Variants in TAFA2 observed in about 807,000 individuals in gnomAD.
TAFA2 encodes TAFA chemokine like family member 2.
Under a neutral mutation model 18.8 loss-of-function variants are expected in TAFA2, and 7 were observed. The observed-to-expected ratio is 0.37, with a 90% confidence interval of 0.21 to 0.70. The LOEUF (loss-of-function observed/expected upper bound fraction) is 0.70, where lower values mean the gene tolerates loss of function less well. Ranked by LOEUF, TAFA2 falls within the 30% of genes least tolerant of loss-of-function variation. The probability of loss-of-function intolerance (pLI) is 0.53; values close to 1 mark genes in which losing one functional copy is unlikely to be tolerated. For synonymous variants in TAFA2, 60 were observed against 54.2 expected (o/e 1.11, Z -0.47); for missense variants, 122 against 158.1 (o/e 0.77, Z 1.23).
chr12:61,792,329 C>A (rs1027731790), intron 2 of TAFA2, among the ~76,000 whole-genome samples: 14 of 151,422 alleles, frequency 9.2e-5, no homozygotes, highest in African/African-American at 3.4e-4. Context: ...TGTTTTATTG[C>A]ACAGTAGATT....
intron 1 of TAFA2, among the ~76,000 whole-genome samples, chr12:62,088,910 CTG>C (rs143609708): frequency 4.1e-4 from 61 of 150,212 alleles, no homozygotes; most frequent in Admixed American, 5.3e-4. Flanking sequence ...CTCTCTATCT[CTG>C]TGTGTGTGTG....
At chr12:61,897,429 TA>T (rs576031787) in intron 1 of TAFA2, among the ~76,000 whole-genome samples, 9 of 151,196 alleles carry the variant, frequency 6.0e-5, no homozygotes, top group South Asian at 4.2e-4. Context: ...GAGTAATTTA[TA>T]AAAAAAAAGA....
intron 1 of TAFA2, chr12:62,255,240 G>A (rs2062932698): frequency 6.6e-6 from 1 of 152,072 alleles, no homozygotes; most frequent in Non-Finnish European, 1.5e-5. Context: ...ATTATTATGA[G>A]GCTTAAGAAA....
Position 62,147,322 on chromosome 12 carries a change from GTATGTATATATATA to G in TAFA2, c.-2+43923_-2+43936del, listed in dbSNP as rs1334503843. ...TGTATGCATGTGTGTGTGTGTGTAT[GTATGTATATATATA>G]TATATATATATATATATATATATAT... On this transcript the variant is annotated intron_variant, in intron 1 of 4. Coordinates refer to ENST00000416284, the MANE Select transcript of TAFA2 (RefSeq NM_178539.5). 5.9e-3 allele frequency among the ~76,000 whole-genome samples: 291 copies of G among 49,370 alleles called. 6 individuals carry two copies. Among genetic ancestry groups the G allele is most frequent in the Middle Eastern group, 0.032 (3 of 94 alleles). 32.4% of individuals were successfully genotyped at this position (49,370 alleles called of 152,430 possible). A position where few individuals can be genotyped will look rare whatever the true frequency, so the allele number is the denominator to read the frequency against.
intron 2 of TAFA2, among the ~76,000 whole-genome samples, chr12:61,844,865 T>A (rs1282317490): frequency 6.6e-6 from 1 of 152,134 alleles, no homozygotes; most frequent in Admixed American, 6.6e-5. Flanking sequence ...TCTGGCAGTA[T>A]CACAGAACTT....
intron 1 of TAFA2, among the ~76,000 whole-genome samples, chr12:61,885,393 A>G (rs1281729358): frequency 6.6e-6 from 1 of 152,194 alleles, no homozygotes; most frequent in Non-Finnish European, 1.5e-5. Flanking sequence ...TTCCTTTTTC[A>G]TTTATCTAAC....
intron 4 of TAFA2, among the ~76,000 whole-genome samples, chr12:61,748,890 T>TCTA (rs1868864951): frequency 8.0e-6 from 1 of 124,274 alleles, no homozygotes; most frequent in East Asian, 2.2e-4. Context: ...CTTATGCTAT[T>TCTA]CTATTGTTAC....
At chr12:62,144,314 T>C (rs1212551599) in intron 1 of TAFA2, among the ~76,000 whole-genome samples, 4 of 152,160 alleles carry the variant, frequency 2.6e-5, no homozygotes, top group Admixed American at 6.5e-5. Context: ...AAGCAGAAAG[T>C]GGCCTGCCTC....
chr12:62,109,839 A>T (rs899065960), intron 1 of TAFA2, among the ~76,000 whole-genome samples: 2 of 152,140 alleles, frequency 1.3e-5, no homozygotes, highest in African/African-American at 4.8e-5. Flanking sequence ...GTATCCTGAG[A>T]CTTTGCTGAA....
At chr12:62,188,352 T>C (rs1462743449) in intron 1 of TAFA2, among the ~76,000 whole-genome samples, 3 of 152,180 alleles carry the variant, frequency 2.0e-5, no homozygotes, top group Admixed American at 1.3e-4. Flanking sequence ...AATAAAATAC[T>C]GCAGAAGTAA....
chr12:61,764,601 G>A (rs1489204050), intron 2 of TAFA2, among the ~76,000 whole-genome samples: 1 of 151,988 alleles, frequency 6.6e-6, no homozygotes, highest in Non-Finnish European at 1.5e-5. Context: ...GACTAGATTT[G>A]GAGTTAATTT....
chr12:62,125,671 A>T (rs886522152), intron 1 of TAFA2, among the ~76,000 whole-genome samples: 1 of 148,502 alleles, frequency 6.7e-6, no homozygotes, highest in East Asian at 1.9e-4. Flanking sequence ...ACTCCCGCAG[A>T]TATTTTTTTT....
In TAFA2 at chr12:61,754,929, A is replaced by G; in HGVS notation, c.202T>C (p.Ser68Pro). 1 of 1,613,008 alleles carries G rather than the reference A, an allele frequency of 6.2e-7. No individual in the cohort carries two copies. The highest frequency in any genetic ancestry group is 8.5e-7 in the Non-Finnish European group (1 of 1,179,412). The change falls in exon 3 of 5, where the codon TCC (serine) becomes CCC (proline). Residue 68 changes from serine (S) to proline (P), a missense_variant. Around this residue, in one of 2 missense-constraint regions of TAFA2, gnomAD observed 60 missense variants for 102.7 expected, o/e 0.58. Transcript: ENST00000416284. ...IEERSQTVKC[S>P]CFPGQVAGTT... ...CCTGCCACCTGCCCAGGGAAGCAGG[A>G]GCACTTGACTGTTTGTGACCGTTCT... is the stretch of plus-strand genomic sequence containing the variant.
At chr12:62,234,974 T>C (rs1161353209) in intron 1 of TAFA2, 8 of 682,898 alleles carry the variant, frequency 1.2e-5, no homozygotes, top group Admixed American at 3.6e-5. Context: ...AGGCCAACAA[T>C]GTTTCATCAG....
At chr12:62,249,010 C>T (rs970341958) in intron 1 of TAFA2, among the ~76,000 whole-genome samples, 4 of 152,028 alleles carry the variant, frequency 2.6e-5, no homozygotes, top group Non-Finnish European at 4.4e-5. Context: ...CAGCAGTGAG[C>T]ATGATACTTC....
chr12:61,897,826 T>C (rs1053810737), intron 1 of TAFA2, among the ~76,000 whole-genome samples: 1 of 152,134 alleles, frequency 6.6e-6, no homozygotes, highest in Admixed American at 6.5e-5. Context: ...CCCAACAGTT[T>C]CCCAGAGTCT....
chr12:62,094,708 A>C (rs1868870298), intron 1 of TAFA2, among the ~76,000 whole-genome samples: 1 of 151,944 alleles, frequency 6.6e-6, no homozygotes, highest in Admixed American at 6.6e-5. Context: ...CTTTATAAGA[A>C]ACTTGTAAGA....
chr12:61,816,376 G>T (rs1347079131), intron 2 of TAFA2, among the ~76,000 whole-genome samples: 1 of 151,472 alleles, frequency 6.6e-6, no homozygotes, highest in Non-Finnish European at 1.5e-5. Context: ...TGGCTGCATA[G>T]TATTCCATGG....
intron 1 of TAFA2, among the ~76,000 whole-genome samples, chr12:61,979,068 T>C (rs149288619): frequency 2.6e-5 from 4 of 152,270 alleles, no homozygotes; most frequent in Admixed American, 6.5e-5. Flanking sequence ...TAGGTTATAA[T>C]GTGAAACTAA....
Sources: gnomAD v4.1 joint callset for allele counts (sites outside exome capture counted in the v4.1 genomes callset) on GRCh38, gnomAD v4.1.1 for gene constraint, gnomAD v4.1.1 regional missense constraint, MANE v1.5 for transcripts, NCBI Gene and HGNC (gene_info 2026-07-23, HGNC 2026-07-21) for gene names.